The following CDKAL1 variants were observed in gnomAD, a reference collection of about 807,000 sequenced individuals.
The protein encoded by CDKAL1 is CDKAL1 threonylcarbamoyladenosine tRNA methylthiotransferase, also known as threonylcarbamoyladenosine tRNA methylthiotransferase.
Under a neutral mutation model 68.2 loss-of-function variants are expected in CDKAL1, and 32 were observed. The observed-to-expected ratio is 0.47, with a 90% CI of 0.35 to 0.63. The LOEUF is 0.63. Ranked by LOEUF, CDKAL1 falls within the 30% of genes least tolerant of loss-of-function variation. The pLI, the probability that CDKAL1 is intolerant of heterozygous loss-of-function variation, is 0.00. For missense variants in CDKAL1, 606 were observed against 696.7 expected (o/e 0.87, Z 1.47); for synonymous variants, 234 against 244.3 (o/e 0.96, Z 0.39).
intron 13 of CDKAL1, among the ~76,000 whole-genome samples, chr6:21,126,497 C>G (rs574924188): frequency 2.2e-4 from 34 of 152,284 alleles, no homozygotes; most frequent in African/African-American, 7.5e-4. Flanking sequence ...AGCACTCAAC[C>G]TTGATGCTTT....
intron 4 of CDKAL1, among the ~76,000 whole-genome samples, chr6:20,550,363 C>G (rs1763770932): frequency 6.6e-6 from 1 of 152,178 alleles, no homozygotes; most frequent in South Asian, 2.1e-4. Context: ...ATGTATTATG[C>G]TGCTTGTTGT....
At chr6:21,167,870 A>G (rs1396663787) in intron 13 of CDKAL1, among the ~76,000 whole-genome samples, 1 of 152,230 alleles carries the variant, frequency 6.6e-6, no homozygotes, top group Admixed American at 6.5e-5. Flanking sequence ...GGAGCTTCTA[A>G]GGCCCTCTGT....
intron 10 of CDKAL1, among the ~76,000 whole-genome samples, chr6:20,986,782 C>G (rs1443673508): frequency 6.6e-6 from 1 of 152,028 alleles, no homozygotes; most frequent in Non-Finnish European, 1.5e-5. Context: ...TGGCAGGTCA[C>G]TAGATTATTT....
At chr6:21,010,072 G>A (rs1209535298) in intron 11 of CDKAL1, among the ~76,000 whole-genome samples, 1 of 152,146 alleles carries the variant, frequency 6.6e-6, no homozygotes, top group Admixed American at 6.5e-5. Context: ...ATTACGCATT[G>A]TGTGCATATA....
chr6:20,985,220 T>C (rs551316175), intron 10 of CDKAL1, among the ~76,000 whole-genome samples: 55 of 152,240 alleles, frequency 3.6e-4, no homozygotes, highest in Non-Finnish European at 7.1e-4. Flanking sequence ...TGTTCATCAT[T>C]GCTTTGGGTG....
intron 9 of CDKAL1, among the ~76,000 whole-genome samples, chr6:20,851,318 T>C (rs190035696): frequency 5.3e-5 from 8 of 152,306 alleles, no homozygotes; most frequent in Non-Finnish European, 1.2e-4. Flanking sequence ...CAGGACTTTG[T>C]TGGGGCCAGA....
chr6:20,593,361 G>A (rs1765676107), intron 4 of CDKAL1, among the ~76,000 whole-genome samples: 2 of 152,018 alleles, frequency 1.3e-5, no homozygotes, highest in Admixed American at 6.6e-5. Flanking sequence ...TGTTATTGCT[G>A]TGCTCAGGGA....
intron 9 of CDKAL1, among the ~76,000 whole-genome samples, chr6:20,926,992 A>G (rs1763220342): frequency 1.3e-5 from 2 of 151,040 alleles, no homozygotes; most frequent in African/African-American, 4.8e-5. Context: ...ACCCTTTGGT[A>G]TCAATTAAGC....
At chr6:20,935,521 T>G (rs927095535) in intron 9 of CDKAL1, among the ~76,000 whole-genome samples, 1 of 152,022 alleles carries the variant, frequency 6.6e-6, no homozygotes, top group Non-Finnish European at 1.5e-5. Context: ...CTCTGCCTTC[T>G]GGGTTCAAGA....
intron 11 of CDKAL1, among the ~76,000 whole-genome samples, chr6:21,037,232 T>C (rs1769642726): frequency 1.3e-5 from 2 of 152,144 alleles, no homozygotes; most frequent in South Asian, 4.1e-4. Context: ...AAAACAATTG[T>C]TTTTAGCACA....
chr6:20,839,639 T>TA (rs1257628105), intron 8 of CDKAL1, among the ~76,000 whole-genome samples: 1 of 152,158 alleles, frequency 6.6e-6, no homozygotes, highest in Non-Finnish European at 1.5e-5. Flanking sequence ...TCCCTTGTCT[T>TA]ACAGCTCTCG....
At chr6:20,924,326 A>G (rs1380750151) in intron 9 of CDKAL1, among the ~76,000 whole-genome samples, 1 of 151,248 alleles carries the variant, frequency 6.6e-6, no homozygotes, top group Admixed American at 6.6e-5. Context: ...AGATCACACC[A>G]CTGCACTCCA....
chr6:21,175,613 A>G (rs1285040669), intron 13 of CDKAL1, among the ~76,000 whole-genome samples: 1 of 152,178 alleles, frequency 6.6e-6, no homozygotes, highest in East Asian at 1.9e-4. Context: ...TGTGTCATTT[A>G]TTGTACACTG....
intron 13 of CDKAL1, among the ~76,000 whole-genome samples, chr6:21,187,813 AC>A (rs1211441835): frequency 6.6e-6 from 1 of 152,168 alleles, no homozygotes; most frequent in Admixed American, 6.5e-5. Context: ...TTCTACAAGC[AC>A]CTTCCAAGAA....
At chr6:20,669,829 A>G (rs957158221) in intron 5 of CDKAL1, among the ~76,000 whole-genome samples, 1 of 152,112 alleles carries the variant, frequency 6.6e-6, no homozygotes, top group African/African-American at 2.4e-5. Flanking sequence ...AAGAAACCGC[A>G]ATCTGGGCAC....
chr6:20,839,394 T>C (rs1778086102), intron 8 of CDKAL1, among the ~76,000 whole-genome samples: 1 of 152,230 alleles, frequency 6.6e-6, no homozygotes, highest in Non-Finnish European at 1.5e-5. Context: ...TTTTTTGTCC[T>C]ATCTTGGCAA....
intron 13 of CDKAL1, among the ~76,000 whole-genome samples, chr6:21,176,153 A>G (rs987114985): frequency 7.9e-5 from 12 of 152,216 alleles, no homozygotes; most frequent in African/African-American, 2.7e-4. Context: ...TGGAATGGAG[A>G]TTTCTTTTCC....
At chr6:20,566,365 G>A (rs1764460788) in intron 4 of CDKAL1, among the ~76,000 whole-genome samples, 1 of 152,076 alleles carries the variant, frequency 6.6e-6, no homozygotes, top group African/African-American at 2.4e-5. Flanking sequence ...CTCTGTGTTG[G>A]TTGAATATGC....
At chr6:21,117,507 G>A (rs1562045254) in intron 13 of CDKAL1, among the ~76,000 whole-genome samples, 1 of 151,868 alleles carries the variant, frequency 6.6e-6, no homozygotes, top group East Asian at 1.9e-4. Context: ...GCTGGGTGTG[G>A]TGGTGGGCGC....
Sources: allele counts gnomAD v4.1 joint callset (sites outside exome capture counted in the v4.1 genomes callset), GRCh38; gene constraint gnomAD v4.1.1; transcripts MANE v1.5; gene names NCBI Gene and HGNC (gene_info 2026-07-23, HGNC 2026-07-21).